The following MGAT5 variants were observed in gnomAD, a reference collection of about 807,000 sequenced individuals.
MGAT5 encodes alpha-1,6-mannosylglycoprotein 6-beta-N-acetylglucosaminyltransferase A.
A neutral mutation model predicts 94.3 loss-of-function variants in MGAT5; 30 were observed. The ratio of observed to expected loss-of-function variants is 0.32; its 90% confidence interval spans 0.24 to 0.43. The LOEUF is 0.43. Among genes scored for constraint, MGAT5 ranks in the 20% least tolerant of loss-of-function variants. The pLI, the probability that MGAT5 is intolerant of heterozygous loss-of-function variation, is 1.00. For synonymous variants in MGAT5, 310 were observed against 322.9 expected (o/e 0.96, Z 0.43); for missense variants, 691 against 905.5 (o/e 0.76, Z 3.04).
upstream of MGAT5, among the ~76,000 whole-genome samples, chr2:134,252,580 G>A (rs1682679974): frequency 6.6e-6 from 1 of 152,134 alleles, no homozygotes; most frequent in South Asian, 2.1e-4. Context: ...GTGTGGGTGG[G>A]GCCTGAGAAT....
At chr2:134,396,021 G>A (rs183060153) in intron 10 of MGAT5, among the ~76,000 whole-genome samples, 146 of 152,292 alleles carry the variant, frequency 9.6e-4, no homozygotes, top group African/African-American at 2.6e-3. Flanking sequence ...CCACAGACTG[G>A]GCTGGAAACA....
intron 8 of MGAT5, among the ~76,000 whole-genome samples, chr2:134,347,186 C>G (rs1688968952): frequency 6.6e-6 from 1 of 152,170 alleles, no homozygotes; most frequent in South Asian, 2.1e-4. Flanking sequence ...ACTATAATGT[C>G]AAACCTTCCA....
intron 11 of MGAT5, among the ~76,000 whole-genome samples, chr2:134,408,922 T>C (rs1400006441): frequency 2.0e-5 from 3 of 152,230 alleles, no homozygotes; most frequent in Non-Finnish European, 4.4e-5. Flanking sequence ...CAATAGCATG[T>C]GACTCATGGG....
chr2:134,135,803 CT>C (rs1350830790), intron 1 of MGAT5, among the ~76,000 whole-genome samples: 1 of 151,700 alleles, frequency 6.6e-6, no homozygotes, highest in East Asian at 1.9e-4. Flanking sequence ...GGGTGGTGGA[CT>C]GTCCTTGTTG....
chr2:134,353,986 T>A (rs1431980732), intron 9 of MGAT5, among the ~76,000 whole-genome samples: 1 of 152,202 alleles, frequency 6.6e-6, no homozygotes, highest in Non-Finnish European at 1.5e-5. Flanking sequence ...TCTTCCCATG[T>A]GACAAAGGCC....
At chr2:134,377,884 G>A (rs1419540371) in intron 10 of MGAT5, among the ~76,000 whole-genome samples, 6 of 152,130 alleles carry the variant, frequency 3.9e-5, no homozygotes, top group African/African-American at 7.2e-5. Context: ...GATACCAGAC[G>A]TGTCCAAGGA....
intron 14 of MGAT5, among the ~76,000 whole-genome samples, chr2:134,440,102 C>T (rs943720885): frequency 6.6e-5 from 10 of 152,146 alleles, no homozygotes; most frequent in Admixed American, 2.0e-4. Flanking sequence ...TCCTCACCCC[C>T]GAGTCCTCCT....
At chr2:134,299,654 G>C (rs1357640780) in intron 2 of MGAT5, among the ~76,000 whole-genome samples, 2 of 152,126 alleles carry the variant, frequency 1.3e-5, no homozygotes, top group Non-Finnish European at 2.9e-5. Flanking sequence ...CCCAAACCCA[G>C]TATCTAATAT....
At chr2:134,430,174 A>G (rs549785972) in intron 14 of MGAT5, among the ~76,000 whole-genome samples, 12 of 152,246 alleles carry the variant, frequency 7.9e-5, no homozygotes, top group Non-Finnish European at 1.8e-4. Flanking sequence ...TCTTGAGATC[A>G]TACTAAGATC....
chr2:134,413,541 C>T (rs1040165672), intron 12 of MGAT5, among the ~76,000 whole-genome samples: 14 of 152,178 alleles, frequency 9.2e-5, no homozygotes, highest in African/African-American at 3.4e-4. Context: ...ATTTGAATTG[C>T]CTTCAGAGAT....
At position 134,449,020 on chromosome 2, in the gene MGAT5, C is replaced by A; in HGVS notation, c.*173C>A. 1 of 635,314 alleles carries A rather than the reference C, an allele frequency of 1.6e-6. No homozygotes were observed. Among genetic ancestry groups the A allele is most frequent in the Non-Finnish European group, 2.7e-6 (1 of 368,688 alleles). 39.4% of individuals were successfully genotyped at this position (635,314 alleles called of 1,614,324 possible). A position where few individuals can be genotyped will look rare whatever the true frequency, so the allele number is the denominator to read the frequency against. The stretch of plus-strand genomic sequence containing the variant: ...TGCACTCCGAGCAACCCAGTGGAGT[C>A]TTCACCAAAACAAAACAAGAGCGTA... On this transcript the variant is annotated 3_prime_UTR_variant, in exon 16 of 16. Coordinates refer to ENST00000281923, the MANE Select transcript of MGAT5 (RefSeq NM_002410.5).
chr2:134,383,672 C>T (rs1421303769), intron 10 of MGAT5, among the ~76,000 whole-genome samples: 2 of 152,066 alleles, frequency 1.3e-5, no homozygotes, highest in East Asian at 3.9e-4. Context: ...AGCCCACATA[C>T]CTGTCACCTG....
At chr2:134,391,320 C>A in intron 10 of MGAT5, among the ~76,000 whole-genome samples, 1 of 152,306 alleles carries the variant, frequency 6.6e-6, no homozygotes, top group South Asian at 2.1e-4. Context: ...CACTTCTAAG[C>A]AGGAGAGAGT....
In MGAT5 at chr2:134,134,527, C is replaced by T. The variant is rs576217689; in HGVS notation, c.-143+14236C>T. On this transcript the variant is annotated intron_variant, in intron 1 of 16. Transcript: ENST00000409645. ...GAACTCTGAGTAAGGGGATTTGTTA[C>T]AGGGTGTAAGCCACACAATAAGGCT... is the stretch of plus-strand genomic sequence containing the variant. 7.0e-4 allele frequency among the ~76,000 whole-genome samples: 106 copies of T among 152,326 alleles called. 3 individuals are homozygous for T. The South Asian group carries it at 0.021, about 31-fold the overall frequency.
chr2:134,223,454 A>G (rs1680893473), intron 1 of MGAT5, among the ~76,000 whole-genome samples: 1 of 152,200 alleles, frequency 6.6e-6, no homozygotes, highest in African/African-American at 2.4e-5. Context: ...GAAGTAAAAC[A>G]TTTATATTTT....
Position 134,291,968 on chromosome 2 carries a change from G to A in MGAT5, c.406+21418G>A, listed in dbSNP as rs557783181. ...GTGACTGTTTCTCTAGAAGGTGTCC[G>A]TCTCAGATTCATTAACTCAGTGGTT... On this transcript the variant is annotated intron_variant, in intron 2 of 15. Transcript: ENST00000281923. Among the ~76,000 whole-genome samples, 28 of 152,108 alleles carry A rather than the reference G, an allele frequency of 1.8e-4. No individual in the cohort carries two copies. In the South Asian group the frequency reaches 1.9e-3, roughly 10 times the overall value.
Position 134,349,785 on chromosome 2 carries a change from A to G in MGAT5, c.1113-20A>G, listed in dbSNP as rs758814187. The G allele has an allele frequency of 2.2e-5, 35 of 1,612,432 alleles. No homozygotes were observed. The East Asian group carries it at 7.6e-4, about 35-fold the overall frequency. On this transcript the variant is annotated intron_variant, in intron 8 of 15. Coordinates refer to ENST00000281923, the MANE Select transcript of MGAT5 (RefSeq NM_002410.5). ...TGGGGGCAAGTATGTAGTGTTCAAC[A>G]CATTGCTTTTTTCTTTCAGGTGCAT...
chr2:134,362,521 C>A, intron 10 of MGAT5, 113 bp downstream of exon 10: 1 of 1,288,450 alleles, frequency 7.8e-7, no homozygotes, highest in South Asian at 1.4e-5. Context: ...ATGGGATCTA[C>A]TTAGACATAA....
intron 10 of MGAT5, among the ~76,000 whole-genome samples, chr2:134,369,030 C>CT (rs11437682): frequency 0.1 from 15,821 of 152,116 alleles, 986 homozygotes; most frequent in South Asian, 0.23. Flanking sequence ...ATATAATTAT[C>CT]TTTTTTTGTC....
Sources: allele counts gnomAD v4.1 joint callset (sites outside exome capture counted in the v4.1 genomes callset), GRCh38; gene constraint gnomAD v4.1.1; transcripts MANE v1.5; gene names NCBI Gene and HGNC (gene_info 2026-07-23, HGNC 2026-07-21).